The following ROBO1 variants were observed in gnomAD, a reference collection of about 807,000 sequenced individuals.
ROBO1 encodes roundabout guidance receptor 1.
A neutral mutation model predicts 195.9 loss-of-function variants in ROBO1; 149 were observed. The observed-to-expected ratio is 0.76, with a 90% CI of 0.67 to 0.87. The LOEUF is 0.87. ROBO1 is among the 40% of genes least tolerant of loss of function. The pLI, the probability that ROBO1 is intolerant of heterozygous loss-of-function variation, is 0.00. For synonymous variants in ROBO1, 816 were observed against 733.2 expected (o/e 1.11, Z -1.82); for missense variants, 1,933 against 2,068.3 (o/e 0.93, Z 1.27).
At chr3:78,979,781 A>C (rs1342245962) in intron 3 of ROBO1, among the ~76,000 whole-genome samples, 1 of 151,900 alleles carries the variant, frequency 6.6e-6, no homozygotes, top group East Asian at 1.9e-4. Context: ...AAGTGAGAGA[A>C]GACAGGATGC....
In ROBO1 at chr3:78,938,521, G is replaced by A. The variant is rs535803567; in HGVS notation, c.499+80C>T. ...CAGGTAAGGCCTGAGATACAAATTC[G>A]ACTTTTCATTGCCATGATCAAACAA... On this transcript the variant is annotated intron_variant, in intron 4 of 30. Coordinates refer to ENST00000464233, the MANE Select transcript of ROBO1 (RefSeq NM_002941.4). 51 of 1,244,350 alleles carry A rather than the reference G, an allele frequency of 4.1e-5. 1 individual carries two copies. The Middle Eastern group carries it at 6.2e-4, about 15-fold the overall frequency. 77.1% of individuals were successfully genotyped at this position (1,244,350 alleles called of 1,614,324 possible). A position where few individuals can be genotyped will look rare whatever the true frequency, so the allele number is the denominator to read the frequency against.
At chr3:79,168,656 A>C (rs1252756901) in intron 2 of ROBO1, among the ~76,000 whole-genome samples, 2 of 152,104 alleles carry the variant, frequency 1.3e-5, no homozygotes, top group Non-Finnish European at 2.9e-5. Context: ...CAAACTCTTC[A>C]ATATCTCTAG....
chr3:78,706,611 G>A (rs2081558756), intron 8 of ROBO1, among the ~76,000 whole-genome samples: 1 of 151,932 alleles, frequency 6.6e-6, no homozygotes, highest in Non-Finnish European at 1.5e-5. Flanking sequence ...CAAAGTGCTG[G>A]GATTATAGGC....
chr3:79,733,198 T>G (rs1301752110), intron 1 of ROBO1, among the ~76,000 whole-genome samples: 1 of 152,210 alleles, frequency 6.6e-6, no homozygotes, highest in East Asian at 1.9e-4. Flanking sequence ...TTTTTTCATC[T>G]AGATTGGACT....
At chr3:78,993,595 C>G (rs1431938683) in intron 3 of ROBO1, among the ~76,000 whole-genome samples, 1 of 152,144 alleles carries the variant, frequency 6.6e-6, no homozygotes, top group Non-Finnish European at 1.5e-5. Flanking sequence ...TTTGCATTTC[C>G]GCCATGACCT....
intron 2 of ROBO1, among the ~76,000 whole-genome samples, chr3:79,426,358 TTTGTTG>T (rs769068911): frequency 6.6e-6 from 1 of 151,970 alleles, no homozygotes; most frequent in South Asian, 2.1e-4. Flanking sequence ...CATATATAAT[TTTGTTG>T]TTGTTGTTGT....
At chr3:79,694,916 C>T (rs1184120644) in intron 1 of ROBO1, among the ~76,000 whole-genome samples, 2 of 151,314 alleles carry the variant, frequency 1.3e-5, no homozygotes, top group Non-Finnish European at 3.0e-5. Flanking sequence ...TAAACTTTGG[C>T]CATGTAATTT....
intron 29 of ROBO1, among the ~76,000 whole-genome samples, chr3:78,603,888 T>G (rs1220319915): frequency 6.6e-6 from 1 of 152,118 alleles, no homozygotes. Context: ...GGTCTAGTCT[T>G]ACTTCGTTTG....
At chr3:79,400,098 T>G (rs1476994780) in intron 2 of ROBO1, among the ~76,000 whole-genome samples, 1 of 152,150 alleles carries the variant, frequency 6.6e-6, no homozygotes, top group Admixed American at 6.6e-5. Flanking sequence ...GTAAATTTAC[T>G]TCAAAATATG....
intron 26 of ROBO1, among the ~76,000 whole-genome samples, chr3:78,622,650 T>C (rs1251308987): frequency 3.3e-5 from 5 of 152,194 alleles, no homozygotes; most frequent in Non-Finnish European, 7.3e-5. Context: ...TTCAACACTC[T>C]CGAATCTGGA....
At chr3:78,947,183 T>C (rs997065813) in intron 3 of ROBO1, among the ~76,000 whole-genome samples, 3 of 152,160 alleles carry the variant, frequency 2.0e-5, no homozygotes, top group South Asian at 2.1e-4. Context: ...CTAATAGACA[T>C]CTACAGAACT....
intron 4 of ROBO1, among the ~76,000 whole-genome samples, chr3:78,790,541 C>T (rs1020914787): frequency 5.9e-5 from 9 of 152,160 alleles, no homozygotes; most frequent in Admixed American, 4.6e-4. Context: ...CCCTGTGGTG[C>T]TATCAAATAC....
At chr3:78,732,661 C>G (rs1249477249) in intron 5 of ROBO1, among the ~76,000 whole-genome samples, 1 of 151,942 alleles carries the variant, frequency 6.6e-6, no homozygotes, top group Admixed American at 6.6e-5. Flanking sequence ...TGTCATATAT[C>G]GAGGTGAGAG....
chr3:79,456,245 A>AAT, intron 2 of ROBO1, among the ~76,000 whole-genome samples: 1 of 152,254 alleles, frequency 6.6e-6, no homozygotes, highest in South Asian at 2.1e-4. Context: ...GGTCCTTTAT[A>AAT]ACAGTTTAAT....
At chr3:79,493,596 A>C (rs1939580076) in intron 2 of ROBO1, among the ~76,000 whole-genome samples, 1 of 152,026 alleles carries the variant, frequency 6.6e-6, no homozygotes, top group African/African-American at 2.4e-5. Context: ...GAAAATATTT[A>C]AAAGTTTGTT....
chr3:78,871,742 C>CAAAAAAAAAAAAAAAAAAAAAAAAAAA (rs71127366), intron 4 of ROBO1, among the ~76,000 whole-genome samples: 1 of 111,396 alleles, frequency 9.0e-6, no homozygotes, highest in Non-Finnish European at 1.8e-5. Flanking sequence ...GCTTTCACAG[C>CAAAAAAAAAAAAAAAAAAAAAAAAAAA]AAAAAAAAAA....
chr3:78,867,980 T>C (rs2035286801), intron 4 of ROBO1, among the ~76,000 whole-genome samples: 1 of 152,144 alleles, frequency 6.6e-6, no homozygotes, highest in Non-Finnish European at 1.5e-5. Flanking sequence ...CCTGTTAGAA[T>C]CTCGACAGGG....
intron 2 of ROBO1, among the ~76,000 whole-genome samples, chr3:79,258,543 T>A (rs2082880170): frequency 6.6e-6 from 1 of 152,216 alleles, no homozygotes; most frequent in Non-Finnish European, 1.5e-5. Flanking sequence ...GAAATTTTTA[T>A]CTAATGCTGT....
intron 2 of ROBO1, among the ~76,000 whole-genome samples, chr3:79,411,299 A>G (rs1389275428): frequency 1.3e-5 from 2 of 152,174 alleles, no homozygotes; most frequent in African/African-American, 2.4e-5. Context: ...AGTCCTAAAG[A>G]CTAAAATAGT....
Sources: gnomAD v4.1 joint callset for allele counts (sites outside exome capture counted in the v4.1 genomes callset) on GRCh38, gnomAD v4.1.1 for gene constraint, MANE v1.5 for transcripts, NCBI Gene and HGNC (gene_info 2026-07-23, HGNC 2026-07-21) for gene names.